Variants in LDHC observed in about 807,000 individuals in gnomAD.
LDHC encodes the protein lactate dehydrogenase C, also known as L-lactate dehydrogenase C chain.
Under a neutral mutation model 30.2 loss-of-function variants are expected in LDHC, and 20 were observed. The ratio of observed to expected loss-of-function variants is 0.66; its 90% CI spans 0.47 to 0.96. LDHC has a LOEUF of 0.96. Ranked by LOEUF, LDHC falls within the 40% of genes least tolerant of loss-of-function variation. The pLI is 0.00. For missense variants in LDHC, 362 were observed against 394.9 expected (o/e 0.92, Z 0.71); for synonymous variants, 139 against 132.7 (o/e 1.05, Z -0.32).
chr11:18,414,772 GC>G (rs1866976203), intron 2 of LDHC, among the ~76,000 whole-genome samples: 1 of 152,102 alleles, frequency 6.6e-6, no homozygotes, highest in Non-Finnish European at 1.5e-5. Context: ...AGGTTGCAGT[GC>G]CCGAGATTGT....
At chr11:18,435,294 G>A (rs926506500) in intron 5 of LDHC, among the ~76,000 whole-genome samples, 2 of 152,054 alleles carry the variant, frequency 1.3e-5, no homozygotes, top group Non-Finnish European at 2.9e-5. Context: ...GGGGCCTGGT[G>A]GGAGGTGGTT....
intron 6 of LDHC, among the ~76,000 whole-genome samples, chr11:18,439,300 C>T (rs954116780): frequency 7.2e-5 from 11 of 152,130 alleles, no homozygotes; most frequent in Non-Finnish European, 1.5e-4. Context: ...GGGTGGCTCA[C>T]GCCTGTAATT....
intron 3 of LDHC, among the ~76,000 whole-genome samples, chr11:18,427,451 A>ACC (rs1304506845): frequency 3.9e-5 from 6 of 152,170 alleles, no homozygotes; most frequent in Non-Finnish European, 7.3e-5. Flanking sequence ...TAGGCAAAGT[A>ACC]ATTGTCCATG....
intron 5 of LDHC, among the ~76,000 whole-genome samples, chr11:18,436,481 G>GATTTTTTTTTTTTTTTTTTTTTTTTT (rs762530928): frequency 1.8e-5 from 2 of 108,186 alleles, no homozygotes; most frequent in Non-Finnish European, 1.7e-5. Flanking sequence ...ATAATACAAA[G>GATTTTTTTTTTTTTTTTTTTTTTTTT]TTTTTTTTTT....
At chr11:18,428,582 G>A (rs1848206522) in intron 3 of LDHC, among the ~76,000 whole-genome samples, 1 of 152,022 alleles carries the variant, frequency 6.6e-6, no homozygotes, top group African/African-American at 2.4e-5. Flanking sequence ...TTTTAAAAAA[G>A]TCCAGTATGA....
intron 3 of LDHC, among the ~76,000 whole-genome samples, chr11:18,417,182 C>T (rs1867038647): frequency 1.3e-5 from 2 of 152,080 alleles, no homozygotes; most frequent in African/African-American, 4.8e-5. Flanking sequence ...CCGCACCCGG[C>T]CTGGAGTGGC....
chr11:18,444,853 T>C (rs192069558), intron 6 of LDHC, among the ~76,000 whole-genome samples: 21 of 151,922 alleles, frequency 1.4e-4, no homozygotes, highest in African/African-American at 5.1e-4. Flanking sequence ...CTGAGACCAC[T>C]ATTTGTAGCA....
intron 3 of LDHC, among the ~76,000 whole-genome samples, chr11:18,428,196 G>C (rs1272848904): frequency 2.0e-4 from 20 of 99,474 alleles, no homozygotes; most frequent in African/African-American, 8.1e-4. Flanking sequence ...TTTTGAGACA[G>C]AGTCTCACTC....
intron 6 of LDHC, among the ~76,000 whole-genome samples, chr11:18,441,801 A>G (rs1227150180): frequency 6.6e-6 from 1 of 151,516 alleles, no homozygotes; most frequent in Non-Finnish European, 1.5e-5. Flanking sequence ...AATCCCAGCT[A>G]TTTGGGAGGC....
At chr11:18,443,801 G>A (rs1377542713) in intron 6 of LDHC, among the ~76,000 whole-genome samples, 1 of 152,138 alleles carries the variant, frequency 6.6e-6, no homozygotes, top group African/African-American at 2.4e-5. Context: ...AGGGAACAAG[G>A]ATTAAGATCA....
At chr11:18,418,471 C>T (rs1482287039) in intron 3 of LDHC, among the ~76,000 whole-genome samples, 2 of 151,416 alleles carry the variant, frequency 1.3e-5, no homozygotes, top group African/African-American at 4.9e-5. Flanking sequence ...GCTCTGTCAC[C>T]CAGGCTGGAG....
rs897390370 is a variant in LDHC at position 18,422,767 on chromosome 11, G to C, written c.245-6970G>C. 5.9e-5 allele frequency among the ~76,000 whole-genome samples: 9 copies of C among 151,794 alleles called. 1 individual carries two copies. The highest frequency in any genetic ancestry group is 2.2e-4 in the African/African-American group (9 of 41,184). ...GGAAGCCGAGGCGGGAGTATCGCTTGAGTGGAGGAGTTTAAGACCAGCCTG... is the reference window on the plus strand; with the variant it reads ...GGAAGCCGAGGCGGGAGTATCGCTTCAGTGGAGGAGTTTAAGACCAGCCTG... On this transcript the variant is annotated intron_variant, in intron 3 of 7. Transcript: ENST00000541669.
intron 3 of LDHC, among the ~76,000 whole-genome samples, chr11:18,422,270 TCA>T (rs10610261): frequency 0.62 from 94,598 of 151,688 alleles, 30,606 homozygotes; most frequent in East Asian, 0.89. Context: ...TAATCAGAAA[TCA>T]AGGCCGGGCA....
chr11:18,450,813 T>G, intron 7 of LDHC, 150 bp from the exon 8 acceptor site: 1 of 560,864 alleles, frequency 1.8e-6, no homozygotes, highest in Non-Finnish European at 3.1e-6. Context: ...ATAAGGATGC[T>G]CTTGCTTTTG....
intron 2 of LDHC, 146 bp downstream of exon 2, chr11:18,412,989 T>C (rs10766477): frequency 0.69 from 209,707 of 301,942 alleles, 65,360 homozygotes; most frequent in Middle Eastern, 0.75. Flanking sequence ...CTCCCTCCCT[T>C]CCTTCCTTCC....
chr11:18,449,747 A>C (rs1470357483), intron 7 of LDHC, among the ~76,000 whole-genome samples: 1 of 152,172 alleles, frequency 6.6e-6, no homozygotes, highest in Non-Finnish European at 1.5e-5. Context: ...TACTAGAGCA[A>C]AACAGGAACA....
At chr11:18,430,769 T>A (rs988196042) in intron 4 of LDHC, among the ~76,000 whole-genome samples, 1 of 152,222 alleles carries the variant, frequency 6.6e-6, no homozygotes, top group African/African-American at 2.4e-5. Context: ...ATAATTTGTA[T>A]GTAAGTATTT....
intron 5 of LDHC, among the ~76,000 whole-genome samples, chr11:18,437,214 C>T (rs887739142): frequency 6.6e-6 from 1 of 152,114 alleles, no homozygotes; most frequent in African/African-American, 2.4e-5. Flanking sequence ...CCTCTCATTG[C>T]TTATATTTTA....
chr11:18,448,771 A>T (rs1848600220), intron 7 of LDHC, among the ~76,000 whole-genome samples: 2 of 145,952 alleles, frequency 1.4e-5, no homozygotes, highest in South Asian at 2.2e-4. Context: ...TCAAATAGGG[A>T]ATTCTCTTTA....
Sources: gnomAD v4.1 joint callset for allele counts (sites outside exome capture counted in the v4.1 genomes callset) on GRCh38, gnomAD v4.1.1 for gene constraint, MANE v1.5 for transcripts, NCBI Gene and HGNC (gene_info 2026-07-23, HGNC 2026-07-21) for gene names.